TMEM201: variants seen among roughly 807,000 people sequenced by gnomAD.
The protein encoded by TMEM201 is transmembrane protein 201, also known as RP13-15M17.2.
TMEM201 carries 26 observed loss-of-function variants against 63.4 expected under a neutral mutation model. That is an observed-to-expected ratio of 0.41 (90% CI 0.30 to 0.57). TMEM201 has a LOEUF of 0.57. TMEM201 is among the 20% of genes least tolerant of loss of function. TMEM201 has a pLI of 0.29. For synonymous variants in TMEM201, 417 were observed against 421.6 expected (o/e 0.99, Z 0.14); for missense variants, 794 against 917.7 (o/e 0.87, Z 1.74).
chr1:9,589,004 G>T lies in TMEM201; in HGVS notation c.74G>T (p.Cys25Phe). The change falls in exon 1 of 11, where the codon TGC becomes TTC. Residue 25 changes from cysteine (C) to phenylalanine (F), a missense_variant. Cys to Phe is a radical substitution (Grantham distance 205). Transcript: ENST00000340381. ...GCCGGCGGCCTGGGGGTCACGGCGT[G>T]CGCCGCGGCCGGCGTGTTGCTCTAC... ...GLAGGLGVTA[C>F]AAAGVLLYRI... 8.4e-7 allele frequency: 1 copy of T among 1,183,690 alleles called. No homozygotes were observed. The highest frequency in any genetic ancestry group is 2.2e-5 in the South Asian group (1 of 44,542). The allele number at this position is 1,183,690 out of a possible 1,614,324, so 73.3% of individuals were successfully genotyped here. A position where few individuals can be genotyped will look rare whatever the true frequency, so the allele number is the denominator to read the frequency against.
rs866506326 is a variant in TMEM201 at position 9,604,233 on chromosome 1, G to A, written c.1160+1961G>A. On this transcript the variant is annotated intron_variant, in intron 6 of 10. Transcript: ENST00000340381. This position sits in a 1 kb window ranked among gnomAD's most constrained non-coding sequence, Gnocchi z 4.1. ...AAGCAGGACATCTGTGTGTATGTGC[G>A]TATTTAAATTAGATTATTTATAATA... is the stretch of plus-strand genomic sequence containing the variant. 6.2e-5 allele frequency: 61 copies of A among 985,306 alleles called. No homozygotes were observed. The highest frequency in any genetic ancestry group is 6.9e-5 in the Non-Finnish European group (57 of 829,944). 61.0% of individuals were successfully genotyped at this position (985,306 alleles called of 1,614,324 possible).
intron 9 of TMEM201, chr1:9,611,199 C>CTTT (rs70979767): frequency 2.2e-5 from 8 of 367,306 alleles, no homozygotes; most frequent in Non-Finnish European, 2.8e-5. Flanking sequence ...TGTAGATTTC[C>CTTT]TTTTTTTTTT....
In TMEM201 at chr1:9,610,455, C is replaced by A; in HGVS notation, c.1466-51C>A. 1 of 1,426,632 alleles carries A rather than the reference C, an allele frequency of 7.0e-7. No individual in the cohort carries two copies. The highest frequency in any genetic ancestry group is 9.3e-7 in the Non-Finnish European group (1 of 1,072,432). 88.4% of individuals were successfully genotyped at this position (1,426,632 alleles called of 1,614,324 possible). A position where few individuals can be genotyped will look rare whatever the true frequency, so the allele number is the denominator to read the frequency against. ...CCAGAAATGAAATAGCGCATTGTAG[C>A]GTTGCAGTGACAGGAGCCCACGTTC... On this transcript the variant is annotated intron_variant, in intron 8 of 10. Coordinates refer to ENST00000340381, the MANE Select transcript of TMEM201 (RefSeq NM_001130924.3). This position sits in a 1 kb window ranked among gnomAD's most constrained non-coding sequence, Gnocchi z 4.9.
chr1:9,590,854 G>C (rs1387113673), intron 1 of TMEM201, among the ~76,000 whole-genome samples: 1 of 152,232 alleles, frequency 6.6e-6, no homozygotes, highest in African/African-American at 2.4e-5. Context: ...GCCTTCCTCC[G>C]AGGAGGAGAG....
intron 1 of TMEM201, among the ~76,000 whole-genome samples, chr1:9,595,170 A>G (rs1401310344): frequency 2.0e-5 from 3 of 152,104 alleles, no homozygotes; most frequent in Admixed American, 1.3e-4. Context: ...GTGTCCCACA[A>G]CCAATGAGGT....
At chr1:9,589,720 A>G (rs1023308550) in intron 1 of TMEM201, among the ~76,000 whole-genome samples, 1 of 152,238 alleles carries the variant, frequency 6.6e-6, no homozygotes, top group Non-Finnish European at 1.5e-5. Flanking sequence ...ATCGGCCTCC[A>G]TCGCCAGGCA....
At chr1:9,599,650 T>G (rs1329195647) in intron 4 of TMEM201, among the ~76,000 whole-genome samples, 2 of 151,382 alleles carry the variant, frequency 1.3e-5, no homozygotes, top group East Asian at 3.9e-4. Flanking sequence ...TGAGACGGAG[T>G]CTCGCTCTGT....
At chr1:9,596,607 G>A (rs1028357421) in intron 2 of TMEM201, among the ~76,000 whole-genome samples, 28 of 152,242 alleles carry the variant, frequency 1.8e-4, no homozygotes, top group Admixed American at 3.9e-4. Flanking sequence ...AGAGGTGTGT[G>A]GGTGGGCGGC....
At chr1:9,601,965 A>G in intron 5 of TMEM201, 104 bp from the exon 6 acceptor site, 2 of 1,349,596 alleles carry the variant, frequency 1.5e-6, no homozygotes, top group Non-Finnish European at 2.0e-6. Context: ...CTGGCTCTGG[A>G]CTCTTCTGAG....
At chr1:9,599,392 C>A (rs563269082) in intron 4 of TMEM201, among the ~76,000 whole-genome samples, 5 of 151,492 alleles carry the variant, frequency 3.3e-5, no homozygotes, top group Non-Finnish European at 7.4e-5. Flanking sequence ...GGATTACAGG[C>A]ACGCATCACC....
chr1:9,593,964 G>C (rs912203225), intron 1 of TMEM201, among the ~76,000 whole-genome samples: 1 of 152,242 alleles, frequency 6.6e-6, no homozygotes, highest in Non-Finnish European at 1.5e-5. Context: ...TGCTAGATGC[G>C]GGCACCGCAG....
chr1:9,599,165 C>G (rs1478735437), intron 4 of TMEM201, among the ~76,000 whole-genome samples: 1 of 151,964 alleles, frequency 6.6e-6, no homozygotes, highest in East Asian at 1.9e-4. Flanking sequence ...GTCTTGAACT[C>G]CTGACCTCAG....
In TMEM201 at chr1:9,610,377, T is replaced by C. The variant is rs757827729; in HGVS notation, c.1466-129T>C. The C allele has an allele frequency of 1.0e-5, 10 of 970,746 alleles. No individual in the cohort carries two copies. Among genetic ancestry groups the C allele is most frequent in the East Asian group, 2.7e-5 (1 of 37,590 alleles). 60.1% of individuals were successfully genotyped at this position (970,746 alleles called of 1,614,324 possible). On this transcript the variant is annotated intron_variant, in intron 8 of 10. Transcript: ENST00000340381. This position sits in a 1 kb window ranked among gnomAD's most constrained non-coding sequence, Gnocchi z 4.9. ...TCAGCTTTGCAGCAGGACTTCCCCC[T>C]GTCCCCAGTCTCTGCACCTTTCCTG...
rs907825986 is a variant in TMEM201, at chr1:9,604,952, C to T, written c.1161-2605C>T. 40 of 985,780 alleles carry T rather than the reference C, an allele frequency of 4.1e-5. No individual in the cohort carries two copies. In the African/African-American group the frequency reaches 5.9e-4, roughly 15 times the overall value. 61.1% of individuals were successfully genotyped at this position (985,780 alleles called of 1,614,324 possible). ...ATGCCTCTGGGGCCCTGCTTTTACC[C>T]GCTGGCGTCAGGTGCCGCGTCTTTC... On this transcript the variant is annotated intron_variant, in intron 6 of 10. Coordinates refer to ENST00000340381, the MANE Select transcript of TMEM201 (RefSeq NM_001130924.3). The surrounding 1 kb of genome is among the most constrained non-coding windows in gnomAD (Gnocchi z 4.1).
At chr1:9,601,697 T>C in intron 5 of TMEM201, among the ~76,000 whole-genome samples, 1 of 152,120 alleles carries the variant, frequency 6.6e-6, no homozygotes, top group East Asian at 1.9e-4. Context: ...TCTCTCCTCC[T>C]CGGGCTCTGT....
At chr1:9,591,560 C>T (rs939960667) in intron 1 of TMEM201, among the ~76,000 whole-genome samples, 5 of 152,248 alleles carry the variant, frequency 3.3e-5, no homozygotes, top group Admixed American at 3.3e-4. Flanking sequence ...CTGTCCTCAG[C>T]CCTCTTCAAA....
At chr1:9,602,041 TG>T in intron 5 of TMEM201, 27 bp from the exon 6 acceptor site, 1 of 1,604,458 alleles carries the variant, frequency 6.2e-7, no homozygotes. Context: ...TGTCCTCCCC[TG>T]GGGTGACCCC....
rs985578810 is a variant in TMEM201 at position 9,602,130 on chromosome 1, G to T, written c.1018G>T (p.Ala340Ser). The change falls in exon 6 of 11, where the codon GCT becomes TCT. Residue 340 changes from alanine (A) to serine (S), a missense_variant. By Grantham distance (99) the Ala-to-Ser change is moderately conservative. Coordinates refer to ENST00000340381, the MANE Select transcript of TMEM201 (RefSeq NM_001130924.3). ...LWALLLGLHL[A>S]EQHLQAASPS... ...GGCCCTGCTGCTGGGGCTGCACCTG[G>T]CTGAGCAGCACCTGCAGGCCGCCTC... The T allele has an allele frequency of 1.2e-6, 2 of 1,613,070 alleles. No individual in the cohort carries two copies. Among genetic ancestry groups the T allele is most frequent in the Non-Finnish European group, 1.7e-6 (2 of 1,180,014 alleles).
At chr1:9,598,360 G>A in intron 3 of TMEM201, 89 bp from the exon 4 acceptor site, 1 of 1,489,880 alleles carries the variant, frequency 6.7e-7, no homozygotes, top group Non-Finnish European at 9.1e-7. Context: ...GTAAGTGGCA[G>A]GTCAGGATCT....
Sources: gnomAD v4.1 joint callset for allele counts (sites outside exome capture counted in the v4.1 genomes callset) on GRCh38, gnomAD v4.1.1 for gene constraint, Gnocchi (gnomAD v3.1) non-coding constraint, MANE v1.5 for transcripts, NCBI Gene and HGNC (gene_info 2026-07-23, HGNC 2026-07-21) for gene names.